Variants in RBFOX1 observed in about 807,000 individuals in gnomAD.
RBFOX1 encodes the protein RNA binding protein fox-1 homolog 1.
Under a neutral mutation model 57.7 loss-of-function variants are expected in RBFOX1, and 8 were observed. The observed-to-expected ratio is 0.14, with a 90% CI of 0.08 to 0.25. The LOEUF (loss-of-function observed/expected upper bound fraction) is 0.25, where lower values mean the gene tolerates loss of function less well. RBFOX1 is among the 10% of genes least tolerant of loss of function. RBFOX1 has a pLI of 1.00. For synonymous variants in RBFOX1, 326 were observed against 222.4 expected, an observed-to-expected ratio of 1.47 and a Z score of -4.15; for missense variants, 611 against 548.5, an observed-to-expected ratio of 1.11 and a Z score of -1.14.
chr16:5,720,284 A>G (rs2051880524), intron 3 of RBFOX1, among the ~76,000 whole-genome samples: 2 of 152,092 alleles, frequency 1.3e-5, no homozygotes, highest in Admixed American at 6.5e-5. Flanking sequence ...ATATTTTGAT[A>G]TTGAGTTGTG....
intron 4 of RBFOX1, among the ~76,000 whole-genome samples, chr16:7,108,801 G>C (rs909781795): frequency 6.6e-6 from 1 of 152,134 alleles, no homozygotes; most frequent in African/African-American, 2.4e-5. Flanking sequence ...GCTCATGAAG[G>C]CTTGTTTGTT....
intron 2 of RBFOX1, among the ~76,000 whole-genome samples, chr16:6,407,155 A>T (rs2093310099): frequency 6.6e-6 from 1 of 152,122 alleles, no homozygotes; most frequent in Non-Finnish European, 1.5e-5. Flanking sequence ...CATCTATATT[A>T]TTTGTATCTG....
intron 2 of RBFOX1, among the ~76,000 whole-genome samples, chr16:6,588,919 A>T (rs192193917): frequency 6.6e-6 from 1 of 152,252 alleles, no homozygotes; most frequent in East Asian, 1.9e-4. Flanking sequence ...TGGGTAACTG[A>T]CAAATTTCCC....
chr16:5,468,771 T>G (rs950736917), intron 2 of RBFOX1, among the ~76,000 whole-genome samples: 1 of 152,212 alleles, frequency 6.6e-6, no homozygotes, highest in Non-Finnish European at 1.5e-5. Flanking sequence ...GCTGTGTAGC[T>G]CCCTTTGGCT....
intron 2 of RBFOX1, among the ~76,000 whole-genome samples, chr16:6,455,048 AATT>A (rs1351596500): frequency 5.2e-4 from 28 of 53,760 alleles, no homozygotes; most frequent in Non-Finnish European, 8.3e-4. Context: ...ATGCCTGGCT[AATT>A]TTTTTTTTTT....
At chr16:7,330,015 T>C (rs555563196) in intron 4 of RBFOX1, among the ~76,000 whole-genome samples, 1 of 152,280 alleles carries the variant, frequency 6.6e-6, no homozygotes, top group East Asian at 1.9e-4. Flanking sequence ...CTGTAGGTGA[T>C]TGTATCTAAA....
chr16:7,336,667 A>G (rs768426027), intron 4 of RBFOX1, among the ~76,000 whole-genome samples: 4 of 152,226 alleles, frequency 2.6e-5, no homozygotes, highest in East Asian at 1.9e-4. Context: ...GTTGAACACA[A>G]TATTGTCATG....
chr16:6,879,556 A>G (rs1258692933), intron 3 of RBFOX1, among the ~76,000 whole-genome samples: 1 of 152,258 alleles, frequency 6.6e-6, no homozygotes, highest in East Asian at 1.9e-4. Context: ...CTATACAGGT[A>G]GATTCAACAT....
intron 2 of RBFOX1, among the ~76,000 whole-genome samples, chr16:6,427,417 C>T (rs548396329): frequency 3.3e-5 from 5 of 152,130 alleles, no homozygotes; most frequent in East Asian, 1.9e-4. Context: ...TAGTTCTGAA[C>T]GCTGAGCATG....
chr16:7,482,122 G>T (rs913944204), intron 4 of RBFOX1, among the ~76,000 whole-genome samples: 2 of 152,138 alleles, frequency 1.3e-5, no homozygotes, highest in Non-Finnish European at 2.9e-5. Flanking sequence ...AAGTCCTCCT[G>T]CTCTATAGTC....
chr16:6,085,712 G>A (rs1295851153), intron 1 of RBFOX1, among the ~76,000 whole-genome samples: 1 of 152,150 alleles, frequency 6.6e-6, no homozygotes, highest in Non-Finnish European at 1.5e-5. Flanking sequence ...GTAAGGGGAT[G>A]ATGCAGCCCG....
chr16:5,759,961 T>G (rs1011786083), intron 3 of RBFOX1, among the ~76,000 whole-genome samples: 5 of 151,586 alleles, frequency 3.3e-5, no homozygotes, highest in Admixed American at 2.0e-4. Flanking sequence ...ACTGAAAATG[T>G]AGGTTTCTAT....
At chr16:5,296,594 C>G (rs2063674816) in intron 1 of RBFOX1, among the ~76,000 whole-genome samples, 1 of 150,718 alleles carries the variant, frequency 6.6e-6, no homozygotes, top group Non-Finnish European at 1.5e-5. Flanking sequence ...CAATAGAGCT[C>G]TTGAACATTT....
intron 10 of RBFOX1, among the ~76,000 whole-genome samples, chr16:7,608,852 AG>A (rs1410082224): frequency 6.6e-6 from 1 of 152,224 alleles, no homozygotes; most frequent in Non-Finnish European, 1.5e-5. Flanking sequence ...AGGAAGGCAA[AG>A]TTAGCTGCAT....
chr16:5,613,229 C>G (rs1412759139), intron 3 of RBFOX1, among the ~76,000 whole-genome samples: 2 of 152,182 alleles, frequency 1.3e-5, no homozygotes, highest in African/African-American at 2.4e-5. Flanking sequence ...AGAACCTCCC[C>G]ACACCCAACA....
chr16:5,759,010 C>T (rs2053495074), intron 3 of RBFOX1, among the ~76,000 whole-genome samples: 1 of 152,158 alleles, frequency 6.6e-6, no homozygotes, highest in African/African-American at 2.4e-5. Context: ...TGGTGAGTTT[C>T]ACGACTTTGA....
intron 4 of RBFOX1, among the ~76,000 whole-genome samples, chr16:7,083,707 A>C (rs192989225): frequency 4.6e-5 from 7 of 152,042 alleles, no homozygotes; most frequent in Non-Finnish European, 8.8e-5. Context: ...CAGCTATTTC[A>C]CTCCTTTCCC....
Position 7,632,791 on chromosome 16 carries a change from T to C in RBFOX1, c.757+2108T>C, listed in dbSNP as rs1009209379. ...AACTGAGACACTCATTTTTATGTTA[T>C]ATTAATTAGCCATATAGGGGCTAAT... On this transcript the variant is annotated intron_variant, in intron 11 of 15. Coordinates refer to ENST00000550418, the MANE Select transcript of RBFOX1 (RefSeq NM_018723.4). Among the ~76,000 whole-genome samples the C allele has an allele frequency of 1.1e-4, 16 of 152,342 alleles. No homozygotes were observed. The South Asian group carries it at 2.1e-3, about 20-fold the overall frequency.
chr16:6,350,834 C>T lies in RBFOX1; in HGVS notation c.-64+33777C>T, dbSNP rs971017458. On this transcript the variant is annotated intron_variant, in intron 2 of 15. Transcript: ENST00000550418. Reference sequence around the variant, plus strand: ...TACTCATCAGCAAGGATGCCTAGCTCACAAGTGGATGCATGGGGATTTGAA... The same window carrying T: ...TACTCATCAGCAAGGATGCCTAGCTTACAAGTGGATGCATGGGGATTTGAA... Among the ~76,000 whole-genome samples the T allele has an allele frequency of 2.6e-5, 4 of 152,156 alleles. No homozygotes were observed. In the South Asian group the frequency reaches 6.2e-4, roughly 24 times the overall value.
Sources: gnomAD v4.1 joint callset for allele counts (sites outside exome capture counted in the v4.1 genomes callset) on GRCh38, gnomAD v4.1.1 for gene constraint, MANE v1.5 for transcripts, NCBI Gene and HGNC (gene_info 2026-07-23, HGNC 2026-07-21) for gene names.